Variants in MDH1B observed in about 807,000 individuals in gnomAD.
MDH1B encodes malate dehydrogenase 1B, also known as putative malate dehydrogenase 1B.
MDH1B carries 60 observed loss-of-function variants against 61.4 expected under a neutral mutation model. The ratio of observed to expected loss-of-function variants is 0.98; its 90% CI spans 0.79 to 1.21. The LOEUF is 1.21. MDH1B is among the 50% of genes most tolerant of loss of function. MDH1B has a pLI of 0.00. For synonymous variants in MDH1B, 236 were observed against 218.7 expected, an observed-to-expected ratio of 1.08 and a Z score of -0.70; for missense variants, 587 against 632.1, an observed-to-expected ratio of 0.93 and a Z score of 0.76.
intron 5 of MDH1B, 81 bp from the exon 6 acceptor site, chr2:206,751,156 C>A: frequency 1.0e-6 from 1 of 997,348 alleles, no homozygotes; most frequent in African/African-American, 1.7e-5. Flanking sequence ...TTTTTGTTTG[C>A]GTGCATGTTT....
Position 206,741,104 on chromosome 2 carries a change from C to T in MDH1B, c.1409G>A (p.Gly470Glu), listed in dbSNP as rs370790978. The T allele has an allele frequency of 2.5e-6, 4 of 1,612,348 alleles. No individual in the cohort carries two copies. Among genetic ancestry groups the T allele is most frequent in the South Asian group, 1.1e-5 (1 of 91,044 alleles). The change falls in exon 10 of 12, where the codon GGA (glycine) becomes GAA (glutamate). Residue 470 changes from glycine (G) to glutamate (E), a missense_variant and splice_region_variant. Transcript: ENST00000374412. ...TTCATCAGGGACCAGATCTTTATGTCCTGAAATCAAAATTAAATAAAACAT... is the reference window on the plus strand; with the variant it reads ...TTCATCAGGGACCAGATCTTTATGTTCTGAAATCAAAATTAAATAAAACAT... ...DKIHFQPYQS[G>E]HKDLVPDEEK... is the part of the protein sequence containing the mutation.
At position 206,753,911 on chromosome 2, in the gene MDH1B, T is replaced by G. The variant is rs144163143; in HGVS notation, c.910+1098A>C. On this transcript the variant is annotated intron_variant, in intron 5 of 11. Transcript: ENST00000374412. ...CCCACACATACACCTTGTTTTAGAT[T>G]CTTCTTGATACTTTTCAGTAGTGTA... 7.4e-4 allele frequency among the ~76,000 whole-genome samples: 112 copies of G among 152,042 alleles called. 1 individual carries two copies. The East Asian group carries it at 0.019, about 26-fold the overall frequency.
At chr2:206,760,231 TTC>T (rs542132366) in intron 2 of MDH1B, among the ~76,000 whole-genome samples, 175 of 152,272 alleles carry the variant, frequency 1.1e-3, no homozygotes, top group Non-Finnish European at 2.0e-3. Flanking sequence ...TCTGACTCCA[TTC>T]TCTCTCTAGG....
Position 206,749,056 on chromosome 2 carries a change from G to A in MDH1B, c.1180C>T (p.Pro394Ser), listed in dbSNP as rs773284405. The stretch of plus-strand genomic sequence containing the variant: ...ATTCCTAAAGATACAATCTCCCCAG[G>A]TGGTGAGCCATGGTACCAGTATTTC... ...TLKYWYHGSP[P>S]GEIVSLGILS... The change falls in exon 7 of 12, where the codon CCT becomes TCT. Residue 394 changes from proline (P) to serine (S), a missense_variant. Physicochemically the swap from Pro to Ser is moderately conservative, Grantham distance 74 (BLOSUM62 -1). Coordinates refer to ENST00000374412, the MANE Select transcript of MDH1B (RefSeq NM_001039845.3). 1.2e-6 allele frequency: 2 copies of A among 1,613,880 alleles called. No individual in the cohort carries two copies. Among genetic ancestry groups the A allele is most frequent in the Non-Finnish European group, 1.7e-6 (2 of 1,179,946 alleles).
In MDH1B at chr2:206,755,335, A is replaced by T. The variant is rs551642370; in HGVS notation, c.584T>A (p.Val195Asp). Residue 195 changes from valine (V) to aspartate (D), a missense_variant, in exon 5 of 12, where the codon GTC becomes GAC. Coordinates refer to ENST00000374412, the MANE Select transcript of MDH1B (RefSeq NM_001039845.3). ...CTCCTCCACCTTCGTGCAGATGGAG[A>T]CACTGCGCAGGACGGGAGATGCCAG... ...QDLASPVLRS[V>D]SICTKVEEAF... The T allele has an allele frequency of 6.2e-6, 10 of 1,614,190 alleles. No individual in the cohort carries two copies. In the African/African-American group the frequency reaches 1.3e-4, roughly 22 times the overall value.
Position 206,750,962 on chromosome 2 carries a change from G to A in MDH1B, c.1024C>T (p.Arg342Cys), listed in dbSNP as rs780661298. ...SAIWGPLHYS[R>C]PVLNLIFDSE... is the part of the protein sequence containing the mutation. ...TCAAAAATCAAGTTTAAAACAGGGCGTGAATAATGAAGAGGTCCCCAAATG... is the reference window on the plus strand; with the variant it reads ...TCAAAAATCAAGTTTAAAACAGGGCATGAATAATGAAGAGGTCCCCAAATG... The change falls in exon 6 of 12, where the codon CGC becomes TGC. Residue 342 changes from arginine (R) to cysteine (C), a missense_variant. Arg to Cys is a radical substitution (Grantham distance 180). Coordinates refer to ENST00000374412, the MANE Select transcript of MDH1B (RefSeq NM_001039845.3). The A allele has an allele frequency of 1.2e-5, 19 of 1,609,718 alleles. No individual in the cohort carries two copies. The highest frequency in any genetic ancestry group is 6.7e-5 in the East Asian group (3 of 44,772).
intron 9 of MDH1B, 91 bp downstream of exon 9, chr2:206,745,531 A>C: frequency 1.1e-6 from 1 of 933,126 alleles, no homozygotes; most frequent in Middle Eastern, 2.3e-4. Context: ...TATAAATGAG[A>C]GTTATTCATA....
Position 206,765,251 on chromosome 2 carries a change from C to A in MDH1B, c.21G>T (p.Ala7=). MAKFVI[A]GRADCPYYAK... ...CGGGCGGACGCGGGGATCACTCACCCGCGATGACGAATTTGGCCATGGTCG... is the reference window on the plus strand; with the variant it reads ...CGGGCGGACGCGGGGATCACTCACCAGCGATGACGAATTTGGCCATGGTCG... Residue 7 remains alanine (A), a splice_region_variant and synonymous_variant, in exon 1 of 12, where the codon GCG becomes GCT. Transcript: ENST00000374412. 1.9e-6 allele frequency: 3 copies of A among 1,602,568 alleles called. No individual in the cohort carries two copies. In the South Asian group the frequency reaches 3.3e-5, roughly 18 times the overall value.
Position 206,755,227 on chromosome 2 carries a change from C to T in MDH1B, c.692G>A (p.Ser231Asn). Residue 231 changes from serine to asparagine, a missense_variant, in exon 5 of 12, where the codon AGC becomes AAC. By Grantham distance (46) the Ser-to-Asn change is conservative (BLOSUM62 1). Transcript: ENST00000374412. ...EVFTLEDCLR[S>N]RVPLCRLYGY... ...ATAGAGCCTGCAGAGAGGCACCCTG[C>T]TTCGGAGGCAGTCCTCCAGAGTGAA... 6.2e-7 allele frequency: 1 copy of T among 1,614,196 alleles called. No homozygotes were observed. Among genetic ancestry groups the T allele is most frequent in the African/African-American group, 1.3e-5 (1 of 75,060 alleles).
intron 7 of MDH1B, among the ~76,000 whole-genome samples, chr2:206,748,382 C>T (rs1480650781): frequency 6.6e-6 from 1 of 152,166 alleles, no homozygotes; most frequent in African/African-American, 2.4e-5. Flanking sequence ...CCATCTCAAG[C>T]AAACAAACAA....
At chr2:206,744,001 A>G (rs1409649077) in intron 9 of MDH1B, among the ~76,000 whole-genome samples, 1 of 152,120 alleles carries the variant, frequency 6.6e-6, no homozygotes, top group Non-Finnish European at 1.5e-5. Flanking sequence ...TTTCAAACTA[A>G]TCCCACAACT....
rs1178886057 is a variant in MDH1B at position 206,749,119 on chromosome 2, C to T, written c.1117G>A (p.Gly373Arg). 1 of 1,613,992 alleles carries T rather than the reference C, an allele frequency of 6.2e-7. No homozygotes were observed. The highest frequency in any genetic ancestry group is 8.5e-7 in the Non-Finnish European group (1 of 1,179,992). The part of the protein sequence containing the change: ...KNLTTTGRQF[G>R]GILAAHSIAT... ...ATACTGTGTGCAGCCAAAATGCCTC[C>T]AAATTGTCTTCCTGTGGTGGTCAAG... is the stretch of plus-strand genomic sequence containing the variant. The change falls in exon 7 of 12, where the codon GGA becomes AGA. Residue 373 changes from glycine to arginine, a missense_variant. Coordinates refer to ENST00000374412, the MANE Select transcript of MDH1B (RefSeq NM_001039845.3).
Position 206,756,962 on chromosome 2 carries a change from C to T in MDH1B, c.349G>A (p.Glu117Lys). 1 of 1,614,102 alleles carries T rather than the reference C, an allele frequency of 6.2e-7. No homozygotes were observed. Among genetic ancestry groups the T allele is most frequent in the East Asian group, 2.2e-5 (1 of 44,866 alleles). The change falls in exon 4 of 12, where the codon GAA becomes AAA. Residue 117 changes from glutamate (E) to lysine (K), a missense_variant. Glu to Lys is a moderately conservative substitution (Grantham distance 56, BLOSUM62 1). Coordinates refer to ENST00000374412, the MANE Select transcript of MDH1B (RefSeq NM_001039845.3). ...IAQENLGAHIEKEQEEEALKT... is the reference protein window; with the variant it reads ...IAQENLGAHIKKEQEEEALKT... ...AGGGCTTCTTCCTCCTGCTCTTTTT[C>T]TATATGTGCCCCCAGGTTCTCTTGA...
chr2:206,746,244 G>A (rs898631499), intron 8 of MDH1B, 43 bp downstream of exon 8: 1 of 1,568,412 alleles, frequency 6.4e-7, no homozygotes, highest in African/African-American at 1.4e-5. Flanking sequence ...TCAGTTTAAG[G>A]TCATTATCAA....
chr2:206,741,092 A>T lies in MDH1B; in HGVS notation c.1421T>A (p.Leu474Gln). The T allele has an allele frequency of 6.2e-7, 1 of 1,612,744 alleles. No individual in the cohort carries two copies. The highest frequency in any genetic ancestry group is 8.5e-7 in the Non-Finnish European group (1 of 1,179,108). Residue 474 changes from leucine (L) to glutamine (Q), a missense_variant, in exon 10 of 12, where the codon CTG (leucine) becomes CAG (glutamine). Physicochemically the swap from Leu to Gln is moderately radical, Grantham distance 113. Transcript: ENST00000374412. ...FQPYQSGHKD[L>Q]VPDEEKNLAM... ...TAGATTTTTTTCTTCATCAGGGACC[A>T]GATCTTTATGTCCTGAAATCAAAAT...
intron 9 of MDH1B, among the ~76,000 whole-genome samples, chr2:206,744,950 A>AAT (rs199895755): frequency 0.095 from 14,082 of 147,542 alleles, 778 homozygotes; most frequent in East Asian, 0.2. Flanking sequence ...AAATAAATAA[A>AAT]ATATATATAT....
At chr2:206,753,016 T>C (rs1474788266) in intron 5 of MDH1B, among the ~76,000 whole-genome samples, 1 of 152,064 alleles carries the variant, frequency 6.6e-6, no homozygotes, top group East Asian at 1.9e-4. Flanking sequence ...TATTCCTTTT[T>C]GCACAAACAA....
rs1358908871 is a variant in MDH1B, at chr2:206,738,351, G to A, written c.*132C>T. On this transcript the variant is annotated 3_prime_UTR_variant, in exon 12 of 12. Transcript: ENST00000374412. ...TCTGTGCTGTCACAGTGATTTAATTGCCTTGCATGGTATTATCTAAGACTG... is the reference window on the plus strand; with the variant it reads ...TCTGTGCTGTCACAGTGATTTAATTACCTTGCATGGTATTATCTAAGACTG... The A allele has an allele frequency of 5.1e-6, 3 of 583,572 alleles. No individual in the cohort carries two copies. The South Asian group carries it at 1.3e-4, about 25-fold the overall frequency. 36.1% of individuals were successfully genotyped at this position (583,572 alleles called of 1,614,324 possible).
chr2:206,751,180 T>A, intron 5 of MDH1B, 105 bp from the exon 6 acceptor site: 1 of 767,066 alleles, frequency 1.3e-6, no homozygotes, highest in Non-Finnish European at 2.0e-6. Flanking sequence ...TTAGGATTGG[T>A]CTTTTTGGTA....
Sources: gnomAD v4.1 joint callset for allele counts (sites outside exome capture counted in the v4.1 genomes callset) on GRCh38, gnomAD v4.1.1 for gene constraint, MANE v1.5 for transcripts, NCBI Gene and HGNC (gene_info 2026-07-23, HGNC 2026-07-21) for gene names.